The following BCORL1 variants were observed in gnomAD, a reference collection of about 807,000 sequenced individuals.
BCORL1 encodes the protein BCL-6 corepressor-like protein 1.
A neutral mutation model predicts 87.6 loss-of-function variants in BCORL1; 7 were observed. The observed-to-expected ratio is 0.08, with a 90% CI of 0.05 to 0.15. The LOEUF (loss-of-function observed/expected upper bound fraction) is 0.15, where lower values mean the gene tolerates loss of function less well. Ranked by LOEUF, BCORL1 falls within the 10% of genes least tolerant of loss-of-function variation. The pLI, the probability that BCORL1 is intolerant of heterozygous loss-of-function variation, is 1.00. For missense variants in BCORL1, 1,215 were observed against 1,499.7 expected (o/e 0.81, Z 3.13); for synonymous variants, 591 against 634.4 (o/e 0.93, Z 1.03).
At position 130,056,243 on chromosome X, in the gene BCORL1, G is replaced by A; in HGVS notation, c.*107G>A. ...AGACTGCAGAATGAGGCAATAATAC[G>A]GACCAACAAGAAGCCGCCTTATCAA... On this transcript the variant is annotated 3_prime_UTR_variant, in exon 14 of 14. Coordinates refer to ENST00000540052, the MANE Select transcript of BCORL1 (RefSeq NM_001379451.1). 3 of 867,397 alleles carry A rather than the reference G, an allele frequency of 3.5e-6. No individual in the cohort carries two copies. The highest frequency in any genetic ancestry group is 3.1e-5 in the South Asian group (1 of 32,121). The allele number at this position is 867,397 out of a possible 1,213,427, so 71.5% of individuals were successfully genotyped here.
intron 11 of BCORL1, among the ~76,000 whole-genome samples, chrX:130,046,789 G>A (rs780220305): frequency 1.8e-4 from 20 of 110,311 alleles, no homozygotes; most frequent in Middle Eastern, 4.6e-3. Context: ...CTCGTGATCC[G>A]CCCGCCTCGG....
At chrX:129,980,398 G>A (rs1195517505), upstream of BCORL1, among the ~76,000 whole-genome samples, 2 of 113,014 alleles carry the variant, frequency 1.8e-5, no homozygotes, top group Non-Finnish European at 3.8e-5. Context: ...GGTAAAGGGG[G>A]CGCCGTGAGG....
At chrX:130,009,760 C>G (rs1005984489) in intron 2 of BCORL1, among the ~76,000 whole-genome samples, 2 of 110,727 alleles carry the variant, frequency 1.8e-5, no homozygotes, top group African/African-American at 6.6e-5. Flanking sequence ...GCTCTGCCTC[C>G]TCTGTGGTGG....
Position 130,025,246 on chromosome X carries a change from T to C in BCORL1, c.3945T>C (p.Asn1315=), listed in dbSNP as rs1569376760. ...TEAARQMWDT[N]EEEEEEEEEG... ...CTGCCCGGCAAATGTGGGACACCAA[T>C]GAGGAGGAGGAGGAAGAAGAGGAGG... The change falls in exon 7 of 14, where the codon AAT becomes AAC. Residue 1315 remains asparagine (N), a synonymous_variant. Coordinates refer to ENST00000540052, the MANE Select transcript of BCORL1 (RefSeq NM_001379451.1). 8.3e-7 allele frequency: 1 copy of C among 1,206,098 alleles called. No individual in the cohort carries two copies. Among genetic ancestry groups the C allele is most frequent in the Admixed American group, 2.2e-5 (1 of 45,349 alleles).
intron 4 of BCORL1, among the ~76,000 whole-genome samples, chrX:130,019,598 G>A (rs1423797567): frequency 1.8e-5 from 2 of 111,649 alleles, no homozygotes; most frequent in African/African-American, 6.5e-5. Context: ...AGAGTTCATG[G>A]GATAGGAGGA....
chrX:130,006,549 C>T (rs983507862), intron 2 of BCORL1, among the ~76,000 whole-genome samples: 3 of 110,270 alleles, frequency 2.7e-5, no homozygotes, highest in African/African-American at 6.6e-5. Context: ...TTAGTAGAGA[C>T]GGGGTTTCAC....
chrX:129,983,139 C>T (rs1482790005), intron 1 of BCORL1, among the ~76,000 whole-genome samples: 1 of 110,531 alleles, frequency 9.0e-6, no homozygotes, highest in African/African-American at 3.3e-5. Context: ...CACCTTCGTA[C>T]CCCATCCCCT....
At chrX:130,041,427 G>A (rs1305896435) in intron 11 of BCORL1, among the ~76,000 whole-genome samples, 1 of 111,090 alleles carries the variant, frequency 9.0e-6, no homozygotes, top group East Asian at 2.8e-4. Context: ...TCTGCCTCCC[G>A]GGTTCAAGCG....
chrX:130,040,523 G>A (rs1931243897), intron 11 of BCORL1, among the ~76,000 whole-genome samples: 1 of 112,408 alleles, frequency 8.9e-6, no homozygotes. Context: ...ACAGGCCTTA[G>A]GCCTGTACAG....
intron 8 of BCORL1, among the ~76,000 whole-genome samples, chrX:130,029,548 C>T (rs1342437761): frequency 9.1e-6 from 1 of 110,054 alleles, no homozygotes; most frequent in African/African-American, 3.3e-5. Context: ...AGTGAGGGTC[C>T]GGGTTCAAAT....
chrX:130,046,609 C>T (rs1014253878), intron 11 of BCORL1, among the ~76,000 whole-genome samples: 22 of 109,800 alleles, frequency 2.0e-4, no homozygotes, highest in Admixed American at 4.9e-4. Flanking sequence ...TGCAGTGGCG[C>T]GATCTGGGCT....
chrX:130,028,765 C>T lies in BCORL1; in HGVS notation c.4209C>T (p.Asn1403=). The change falls in exon 8 of 14, where the codon AAC becomes AAT. Residue 1403 remains asparagine, a synonymous_variant. Coordinates refer to ENST00000540052, the MANE Select transcript of BCORL1 (RefSeq NM_001379451.1). The stretch of plus-strand genomic sequence containing the variant: ...CACCAAACGGTTTCCTCCCAAATAA[C>T]CTGGAAGAGCCAGCCTGCCTTGAAA... ...SDSPNGFLPN[N]LEEPACLENS... is the part of the protein sequence containing the mutation. 8.3e-7 allele frequency: 1 copy of T among 1,210,828 alleles called. No individual in the cohort carries two copies. The highest frequency in any genetic ancestry group is 1.8e-5 in the South Asian group (1 of 56,908).
At chrX:130,047,058 C>T (rs949691672) in intron 11 of BCORL1, among the ~76,000 whole-genome samples, 7 of 110,979 alleles carry the variant, frequency 6.3e-5, no homozygotes, top group African/African-American at 9.8e-5. Context: ...AAGGTCTAGC[C>T]GTGTGTTAGC....
chrX:129,995,728 C>T (rs1222197591), intron 1 of BCORL1, among the ~76,000 whole-genome samples: 1 of 112,119 alleles, frequency 8.9e-6, no homozygotes, highest in Admixed American at 9.5e-5. Flanking sequence ...GCCTGAGCCA[C>T]TACACCCGGC....
At chrX:130,019,425 C>T (rs1929653263) in intron 4 of BCORL1, among the ~76,000 whole-genome samples, 1 of 112,642 alleles carries the variant, frequency 8.9e-6, no homozygotes, top group Admixed American at 9.4e-5. Flanking sequence ...TTTCTCCAGC[C>T]GTACCTGAAG....
chrX:130,001,007 T>C (rs1928004004), intron 1 of BCORL1, among the ~76,000 whole-genome samples: 1 of 111,075 alleles, frequency 9.0e-6, no homozygotes, highest in Non-Finnish European at 1.9e-5. Context: ...TTCAGTTCCA[T>C]ATAACATGCA....
intron 1 of BCORL1, among the ~76,000 whole-genome samples, chrX:129,991,722 A>C (rs1325958997): frequency 1.2e-5 from 1 of 82,099 alleles, no homozygotes. Flanking sequence ...CAGTGGTGCG[A>C]TCTCGGCTCA....
chrX:130,016,249 A>G, intron 4 of BCORL1, 36 bp downstream of exon 4: 1 of 1,154,837 alleles, frequency 8.7e-7, no homozygotes. Context: ...TGGGGCCGAG[A>G]TGCCGCTGGT....
chrX:130,007,624 C>T (rs1205019664), intron 2 of BCORL1, among the ~76,000 whole-genome samples: 2 of 111,690 alleles, frequency 1.8e-5, no homozygotes, highest in Non-Finnish European at 3.8e-5. Context: ...GGCGAAACCC[C>T]GTCTCTACTA....
Sources: gnomAD v4.1 joint callset for allele counts (sites outside exome capture counted in the v4.1 genomes callset) on GRCh38, gnomAD v4.1.1 for gene constraint, MANE v1.5 for transcripts, NCBI Gene and HGNC (gene_info 2026-07-23, HGNC 2026-07-21) for gene names.